CHST9: variants seen among roughly 807,000 people sequenced by gnomAD.
CHST9 encodes GalNAc-4-sulfotransferase 2.
A neutral mutation model predicts 44.4 loss-of-function variants in CHST9; 41 were observed. The observed-to-expected ratio is 0.92, with a 90% CI of 0.72 to 1.20. The LOEUF is 1.20. Among genes scored for constraint, CHST9 ranks in the 50% most tolerant of loss-of-function variants. CHST9 has a pLI of 0.00. For missense variants in CHST9, 504 were observed against 516.5 expected, an observed-to-expected ratio of 0.98 and a Z score of 0.23; for synonymous variants, 171 against 178.4, an observed-to-expected ratio of 0.96 and a Z score of 0.33.
chr18:26,936,521 A>G (rs1486617689), intron 5 of CHST9: 1 of 152,140 alleles, frequency 6.6e-6, no homozygotes, highest in Non-Finnish European at 1.5e-5. Flanking sequence ...GTGTCTTTCT[A>G]TACGGAGGTG....
chr18:27,015,829 G>T (rs2057146591), intron 4 of CHST9, among the ~76,000 whole-genome samples: 1 of 152,140 alleles, frequency 6.6e-6, no homozygotes, highest in Non-Finnish European at 1.5e-5. Context: ...GCCTCAGATT[G>T]ATGGTGTCTG....
chr18:27,150,609 G>T (rs975820601), intron 1 of CHST9, among the ~76,000 whole-genome samples: 1 of 152,084 alleles, frequency 6.6e-6, no homozygotes, highest in African/African-American at 2.4e-5. Flanking sequence ...TTGAGTCCTG[G>T]TTATGTCTTC....
At chr18:27,068,365 A>G (rs1163897746) in intron 2 of CHST9, among the ~76,000 whole-genome samples, 1 of 151,756 alleles carries the variant, frequency 6.6e-6, no homozygotes, top group African/African-American at 2.4e-5. Flanking sequence ...GATGTACTTG[A>G]GGTCTTTTCA....
At chr18:26,991,208 C>G (rs986043793) in intron 4 of CHST9, among the ~76,000 whole-genome samples, 2 of 152,108 alleles carry the variant, frequency 1.3e-5, no homozygotes, top group Non-Finnish European at 2.9e-5. Context: ...GGGCTTAGAC[C>G]AGGGCAGTAG....
In CHST9 at chr18:27,153,546, C is replaced by CTCTGTGTG. The variant is rs1555628608; in HGVS notation, c.-96-10642_-96-10641insCACACAGA. On this transcript the variant is annotated intron_variant, in intron 1 of 5. Transcript: ENST00000618847. ...TGTCTTTCTCTCTCTCTCTCTCTCTCTGTGTGTGTGTGTGTGTGTGTATGT... is the reference window on the plus strand; with the variant it reads ...TGTCTTTCTCTCTCTCTCTCTCTCTCTCTGTGTGTGTGTGTGTGTGTGTGTGTGTATGT... 1.2e-3 allele frequency among the ~76,000 whole-genome samples: 160 copies of CTCTGTGTG among 138,592 alleles called. 1 individual carries two copies. The highest frequency in any genetic ancestry group is 5.5e-3 in the South Asian group (23 of 4,168). 90.9% of individuals were successfully genotyped at this position (138,592 alleles called of 152,430 possible).
intron 4 of CHST9, among the ~76,000 whole-genome samples, chr18:26,997,733 A>G (rs1459741670): frequency 6.6e-6 from 1 of 152,198 alleles, no homozygotes. Flanking sequence ...ATAATAGCAC[A>G]TAACCACTTT....
At chr18:27,151,332 TCA>T (rs2058657480) in intron 1 of CHST9, among the ~76,000 whole-genome samples, 2 of 152,120 alleles carry the variant, frequency 1.3e-5, no homozygotes, top group African/African-American at 4.8e-5. Flanking sequence ...TGTAAAAATA[TCA>T]CAGAGTCCCT....
chr18:26,981,431 C>T (rs1443540583), intron 4 of CHST9, among the ~76,000 whole-genome samples: 1 of 152,190 alleles, frequency 6.6e-6, no homozygotes, highest in Non-Finnish European at 1.5e-5. Flanking sequence ...CACTTAGCTG[C>T]AGCAAGTATT....
At chr18:27,068,130 T>A (rs2057801283) in intron 2 of CHST9, among the ~76,000 whole-genome samples, 1 of 152,118 alleles carries the variant, frequency 6.6e-6, no homozygotes, top group African/African-American at 2.4e-5. Context: ...CGAGTGGGAA[T>A]TAGAGAAAAT....
rs573570680 is a variant in CHST9, at chr18:27,159,296, G to A, written c.-96-16391C>T. On this transcript the variant is annotated intron_variant, in intron 1 of 5. Transcript: ENST00000618847. Reference sequence around the variant, plus strand: ...GAATTAATTTTTGTATAAGGTATAAGGAAGGGATCCAGTTTCAGCTTTCTA... The same window carrying A: ...GAATTAATTTTTGTATAAGGTATAAAGAAGGGATCCAGTTTCAGCTTTCTA... 6.4e-3 allele frequency among the ~76,000 whole-genome samples: 975 copies of A among 152,264 alleles called. 8 individuals are homozygous for A. The highest frequency in any genetic ancestry group is 0.023 in the African/African-American group (935 of 41,538).
intron 4 of CHST9, among the ~76,000 whole-genome samples, chr18:26,961,352 A>G (rs2056397128): frequency 6.6e-6 from 1 of 152,210 alleles, no homozygotes; most frequent in Non-Finnish European, 1.5e-5. Context: ...GAGGAGATAT[A>G]CTTTAGCACT....
intron 2 of CHST9, among the ~76,000 whole-genome samples, chr18:27,060,211 G>C (rs998805227): frequency 1.3e-5 from 2 of 152,198 alleles, no homozygotes; most frequent in Non-Finnish European, 2.9e-5. Flanking sequence ...CAAGGTTCAG[G>C]GAGGGGCCCT....
At chr18:27,025,744 A>G (rs2057278606) in intron 3 of CHST9, among the ~76,000 whole-genome samples, 1 of 152,072 alleles carries the variant, frequency 6.6e-6, no homozygotes, top group African/African-American at 2.4e-5. Context: ...CTCCCACCCA[A>G]TTTATTGTAA....
chr18:27,009,280 G>A (rs1399457322), intron 4 of CHST9, among the ~76,000 whole-genome samples: 2 of 152,104 alleles, frequency 1.3e-5, no homozygotes, highest in African/African-American at 4.8e-5. Context: ...GTGTCCTGAG[G>A]AGCCCATTCT....
intron 2 of CHST9, among the ~76,000 whole-genome samples, chr18:27,116,551 T>C (rs1195919246): frequency 6.6e-6 from 1 of 152,306 alleles, no homozygotes; most frequent in South Asian, 2.1e-4. Flanking sequence ...TTGTTCATGT[T>C]TTTCAGGATT....
chr18:26,947,724 C>T (rs867954530), intron 4 of CHST9, among the ~76,000 whole-genome samples: 63 of 152,176 alleles, frequency 4.1e-4, no homozygotes, highest in African/African-American at 2.2e-4. Context: ...GTTAGAATAG[C>T]GATCATTAAA....
intron 1 of CHST9, among the ~76,000 whole-genome samples, chr18:27,179,104 C>CTA (rs755634547): frequency 1.5e-3 from 209 of 135,778 alleles, no homozygotes; most frequent in African/African-American, 3.9e-3. Context: ...CTCTCTCTCT[C>CTA]TATATATATA....
chr18:26,985,373 T>C (rs1285418443), intron 4 of CHST9, among the ~76,000 whole-genome samples: 1 of 152,002 alleles, frequency 6.6e-6, no homozygotes, highest in Non-Finnish European at 1.5e-5. Flanking sequence ...CCAAACAAAT[T>C]AAGACAAAAT....
chr18:27,006,570 T>C (rs947537557), intron 4 of CHST9, among the ~76,000 whole-genome samples: 1 of 152,182 alleles, frequency 6.6e-6, no homozygotes, highest in Admixed American at 6.5e-5. Flanking sequence ...ATCCTCATAG[T>C]GTCCTAGATA....
Sources: allele counts gnomAD v4.1 joint callset (sites outside exome capture counted in the v4.1 genomes callset), GRCh38; gene constraint gnomAD v4.1.1; transcripts MANE v1.5; gene names NCBI Gene and HGNC (gene_info 2026-07-23, HGNC 2026-07-21).